The following TENT2 variants were observed in gnomAD, a reference collection of about 807,000 sequenced individuals.
TENT2 encodes the protein terminal nucleotidyltransferase 2.
In TENT2, 44 loss-of-function variants were observed where a neutral mutation model predicts 72.2. The observed-to-expected ratio is 0.61, with a 90% confidence interval of 0.48 to 0.78. The LOEUF (loss-of-function observed/expected upper bound fraction) is 0.78, where lower values mean the gene tolerates loss of function less well. Among genes scored for constraint, TENT2 ranks in the 30% least tolerant of loss-of-function variants. The pLI, the probability that TENT2 is intolerant of heterozygous loss-of-function variation, is 0.00. For missense variants in TENT2, 541 were observed against 569.6 expected, an observed-to-expected ratio of 0.95 and a Z score of 0.51; for synonymous variants, 212 against 192.5, an observed-to-expected ratio of 1.10 and a Z score of -0.84.
chr5:79,628,882 C>G (rs1772702686), intron 4 of TENT2, among the ~76,000 whole-genome samples: 3 of 152,276 alleles, frequency 2.0e-5, no homozygotes, highest in Admixed American at 2.0e-4. Context: ...TGGGAAATAA[C>G]TTGGATAGGC....
At chr5:79,648,042 T>C (rs1434628708) in intron 8 of TENT2, among the ~76,000 whole-genome samples, 1 of 152,196 alleles carries the variant, frequency 6.6e-6, no homozygotes, top group Non-Finnish European at 1.5e-5. Context: ...TTTTAAAGTA[T>C]ATGATGCTAT....
intron 10 of TENT2, among the ~76,000 whole-genome samples, chr5:79,654,019 A>T (rs1034468116): frequency 1.3e-5 from 2 of 152,256 alleles, no homozygotes; most frequent in Non-Finnish European, 2.9e-5. Flanking sequence ...GGTTAAAAAG[A>T]TTAACACATT....
intron 1 of TENT2, among the ~76,000 whole-genome samples, chr5:79,616,538 T>G (rs1047317671): frequency 6.6e-6 from 1 of 152,076 alleles, no homozygotes; most frequent in South Asian, 2.1e-4. Flanking sequence ...GGCTGGTCTT[T>G]AACTCCTGGG....
intron 7 of TENT2, among the ~76,000 whole-genome samples, chr5:79,644,211 G>C (rs1786857448): frequency 6.6e-6 from 1 of 151,896 alleles, no homozygotes; most frequent in Non-Finnish European, 1.5e-5. Flanking sequence ...TGAACTCCTG[G>C]CCTCAAGTGA....
At chr5:79,648,248 G>A (rs1790720799) in intron 8 of TENT2, among the ~76,000 whole-genome samples, 1 of 151,962 alleles carries the variant, frequency 6.6e-6, no homozygotes, top group African/African-American at 2.4e-5. Context: ...CTTGAGGCTG[G>A]AGTAAGCTAT....
chr5:79,618,867 A>G lies in TENT2; in HGVS notation c.-37-745A>G, dbSNP rs565034203. On this transcript the variant is annotated intron_variant, in intron 1 of 14. Coordinates refer to ENST00000453514, the MANE Select transcript of TENT2 (RefSeq NM_001114394.3). ...AGTTTCTCTCTCATTTTGTTTTTTCATAAGAGTTTTCTAATTGCTTGCTTT... is the reference window on the plus strand; with the variant it reads ...AGTTTCTCTCTCATTTTGTTTTTTCGTAAGAGTTTTCTAATTGCTTGCTTT... Among the ~76,000 whole-genome samples the G allele has an allele frequency of 7.9e-5, 12 of 152,146 alleles. No homozygotes were observed. The South Asian group carries it at 1.4e-3, about 18-fold the overall frequency.
chr5:79,645,548 T>C (rs971738136), intron 8 of TENT2, among the ~76,000 whole-genome samples: 5 of 152,184 alleles, frequency 3.3e-5, no homozygotes, highest in Non-Finnish European at 7.4e-5. Context: ...TTGTTTTAAA[T>C]ACAGTTATGA....
intron 11 of TENT2, among the ~76,000 whole-genome samples, chr5:79,664,878 C>G (rs1250708936): frequency 6.6e-6 from 1 of 152,126 alleles, no homozygotes; most frequent in African/African-American, 2.4e-5. Context: ...CGCTAAGTAA[C>G]TTGATTAAAT....
intron 11 of TENT2, among the ~76,000 whole-genome samples, chr5:79,657,657 G>A (rs568351675): frequency 1.3e-5 from 2 of 152,164 alleles, no homozygotes; most frequent in South Asian, 4.1e-4. Context: ...TTCTTTTTCA[G>A]TTTTCATGTA....
At chr5:79,646,646 CAT>C (rs776672399) in intron 8 of TENT2, among the ~76,000 whole-genome samples, 1 of 151,942 alleles carries the variant, frequency 6.6e-6, no homozygotes, top group African/African-American at 2.4e-5. Flanking sequence ...GGAGATAAAA[CAT>C]AAAGTTATAA....
chr5:79,612,837 A>G lies in TENT2; in HGVS notation c.-276A>G, dbSNP rs1204274909. 2.0e-5 allele frequency: 3 copies of G among 152,254 alleles called. No individual in the cohort carries two copies. Among genetic ancestry groups the G allele is most frequent in the Non-Finnish European group, 4.4e-5 (3 of 68,174 alleles). The allele number at this position is 152,254 out of a possible 1,614,324, so 9.4% of individuals were successfully genotyped here. On this transcript the variant is annotated 5_prime_UTR_variant, in exon 1 of 15. Transcript: ENST00000453514. ...CCAGGTCGGCGGCGGGGCACGGGAAACTTTTCCGAAACGGTAGCGTTTTGT... is the reference window on the plus strand; with the variant it reads ...CCAGGTCGGCGGCGGGGCACGGGAAGCTTTTCCGAAACGGTAGCGTTTTGT...
chr5:79,659,624 A>G (rs1448984290), intron 11 of TENT2, among the ~76,000 whole-genome samples: 1 of 135,600 alleles, frequency 7.4e-6, no homozygotes, highest in Admixed American at 7.9e-5. Context: ...TATCCATTAT[A>G]TATGTCAGCA....
At chr5:79,642,500 T>G (rs1316132677) in intron 6 of TENT2, among the ~76,000 whole-genome samples, 1 of 152,100 alleles carries the variant, frequency 6.6e-6, no homozygotes, top group African/African-American at 2.4e-5. Context: ...TAAATAGGGC[T>G]AAAATTCTGT....
chr5:79,653,999 A>G (rs907257436), intron 10 of TENT2, among the ~76,000 whole-genome samples: 2 of 152,250 alleles, frequency 1.3e-5, no homozygotes, highest in African/African-American at 4.8e-5. Context: ...GGTCCTCTGT[A>G]TGTAGAAAAG....
At chr5:79,647,214 C>A (rs971499212) in intron 8 of TENT2, among the ~76,000 whole-genome samples, 5 of 152,088 alleles carry the variant, frequency 3.3e-5, no homozygotes, top group Non-Finnish European at 5.9e-5. Flanking sequence ...TGTATTTGAA[C>A]ATTTGGTGTG....
At chr5:79,630,429 C>G (rs1047567594) in intron 4 of TENT2, among the ~76,000 whole-genome samples, 2 of 152,002 alleles carry the variant, frequency 1.3e-5, no homozygotes, top group African/African-American at 2.4e-5. Flanking sequence ...TTTAAACATA[C>G]AAAATTAGCT....
intron 1 of TENT2, 103 bp from the exon 2 acceptor site, chr5:79,619,509 T>C: frequency 1.2e-6 from 1 of 838,166 alleles, no homozygotes; most frequent in South Asian, 3.7e-5. Context: ...ATAAAATTTG[T>C]AACTTGATAA....
intron 4 of TENT2, among the ~76,000 whole-genome samples, chr5:79,636,215 T>A (rs2150312818): frequency 6.6e-6 from 1 of 152,310 alleles, no homozygotes; most frequent in African/African-American, 2.4e-5. Flanking sequence ...TCTTTTTAGC[T>A]TTTTATTATG....
intron 11 of TENT2, among the ~76,000 whole-genome samples, chr5:79,657,945 T>C (rs936898902): frequency 6.6e-6 from 1 of 152,224 alleles, no homozygotes; most frequent in African/African-American, 2.4e-5. Context: ...ACACAAAATA[T>C]AACAAATTTA....
Sources: allele counts gnomAD v4.1 joint callset (sites outside exome capture counted in the v4.1 genomes callset), GRCh38; gene constraint gnomAD v4.1.1; transcripts MANE v1.5; gene names NCBI Gene and HGNC (gene_info 2026-07-23, HGNC 2026-07-21).